C1QTNF3: variants seen among roughly 807,000 people sequenced by gnomAD.
C1QTNF3 encodes the protein C1q and TNF related 3.
Under a neutral mutation model 32.6 loss-of-function variants are expected in C1QTNF3, and 26 were observed. The observed-to-expected ratio is 0.80, with a 90% CI of 0.58 to 1.11. The LOEUF (loss-of-function observed/expected upper bound fraction) is 1.11, where lower values mean the gene tolerates loss of function less well. C1QTNF3 is among the 50% of genes least tolerant of loss of function. The pLI is 0.00. For missense variants in C1QTNF3, 362 were observed against 398.2 expected (o/e 0.91, Z 0.77); for synonymous variants, 155 against 146.0 (o/e 1.06, Z -0.44).
the C1QTNF3 span, among the ~76,000 whole-genome samples, chr5:34,215,634 T>C: frequency 6.6e-6 from 1 of 152,130 alleles, no homozygotes; most frequent in Non-Finnish European, 1.5e-5. Context: ...TGACTTTACT[T>C]TTTGTGTTGT....
chr5:34,209,413 G>C, the C1QTNF3 span, among the ~76,000 whole-genome samples: 2 of 150,304 alleles, frequency 1.3e-5, no homozygotes, highest in African/African-American at 4.9e-5. Context: ...CCCCTGAACT[G>C]AAAATAAAAG....
chr5:34,099,457 A>C, the C1QTNF3 span, among the ~76,000 whole-genome samples: 4 of 152,150 alleles, frequency 2.6e-5, no homozygotes, highest in Admixed American at 6.6e-5. Context: ...CATATGAAAA[A>C]CAGTGTGAAA....
the C1QTNF3 span, among the ~76,000 whole-genome samples, chr5:34,160,174 C>T: frequency 6.6e-6 from 1 of 152,112 alleles, no homozygotes; most frequent in Non-Finnish European, 1.5e-5. Context: ...AGGACCAGGG[C>T]AGTGTAGTCC....
At chr5:34,173,819 A>C in the C1QTNF3 span, among the ~76,000 whole-genome samples, 1 of 149,806 alleles carries the variant, frequency 6.7e-6, no homozygotes, top group Admixed American at 6.7e-5. Flanking sequence ...ACTGAAGTTA[A>C]AATGTTCTCC....
the C1QTNF3 span, among the ~76,000 whole-genome samples, chr5:34,160,232 T>C: frequency 6.6e-6 from 1 of 152,134 alleles, no homozygotes; most frequent in Non-Finnish European, 1.5e-5. Context: ...AGTTAGTAGG[T>C]AGGCGAAGGA....
chr5:34,208,277 T>G, the C1QTNF3 span, among the ~76,000 whole-genome samples: 462 of 152,400 alleles, frequency 3.0e-3, 2 homozygotes, highest in African/African-American at 0.011. Context: ...GCCCCTGTTA[T>G]AACAATCTTC....
chr5:34,047,614 A>G (rs1038012840), upstream of C1QTNF3, among the ~76,000 whole-genome samples: 32 of 152,248 alleles, frequency 2.1e-4, no homozygotes, highest in African/African-American at 7.5e-4. Flanking sequence ...GCCTCTTCCC[A>G]GTGAAAAATA....
chr5:34,137,333 T>C, the C1QTNF3 span, among the ~76,000 whole-genome samples: 6 of 152,232 alleles, frequency 3.9e-5, no homozygotes, highest in Non-Finnish European at 7.3e-5. Context: ...TCTTCATTTC[T>C]ACGTCCTGAT....
chr5:34,126,161 A>AT, the C1QTNF3 span, among the ~76,000 whole-genome samples: 1 of 152,230 alleles, frequency 6.6e-6, no homozygotes, highest in Non-Finnish European at 1.5e-5. Context: ...TTAGAAATGG[A>AT]TTGGATATAC....
chr5:34,202,801 TG>T, the C1QTNF3 span, among the ~76,000 whole-genome samples: 2 of 152,142 alleles, frequency 1.3e-5, no homozygotes, highest in Non-Finnish European at 2.9e-5. Flanking sequence ...TACAGTTTTT[TG>T]TTTTTTTTTT....
the C1QTNF3 span, among the ~76,000 whole-genome samples, chr5:34,077,870 T>C: frequency 6.6e-6 from 1 of 151,518 alleles, no homozygotes; most frequent in East Asian, 1.9e-4. Flanking sequence ...GTTAACCTGG[T>C]TGCAACTATT....
At chr5:34,037,015 T>C (rs894775443) in intron 1 of C1QTNF3, among the ~76,000 whole-genome samples, 7 of 152,174 alleles carry the variant, frequency 4.6e-5, no homozygotes, top group African/African-American at 1.7e-4. Context: ...AAGCACTTAA[T>C]GGGTACTAAA....
At chr5:34,168,122 T>C in the C1QTNF3 span, 1 of 152,216 alleles carries the variant, frequency 6.6e-6, no homozygotes, top group South Asian at 2.1e-4. Flanking sequence ...ATTCACATAT[T>C]GAAATTCTGT....
the C1QTNF3 span, among the ~76,000 whole-genome samples, chr5:34,144,193 T>C: frequency 6.6e-6 from 1 of 152,098 alleles, no homozygotes; most frequent in African/African-American, 2.4e-5. Context: ...TGATAAAGGA[T>C]ACAATCCAAC....
At chr5:34,052,353 A>G in the C1QTNF3 span, among the ~76,000 whole-genome samples, 2 of 152,196 alleles carry the variant, frequency 1.3e-5, no homozygotes, top group African/African-American at 4.8e-5. Context: ...GTATTCATTA[A>G]TGCTGTTCTC....
the C1QTNF3 span, among the ~76,000 whole-genome samples, chr5:34,243,081 G>T: frequency 6.6e-6 from 1 of 151,476 alleles, no homozygotes. Flanking sequence ...CACCACACAC[G>T]TTTATCTATG....
rs1308792885 is a variant in C1QTNF3, at chr5:34,043,148, T to A, written c.-23A>T. ...CATGATTCTCAACAGAGCCTCAGAG[T>A]CTCCCTGAGAAGACAGCAGAGCTCC... is the stretch of plus-strand genomic sequence containing the variant. On this transcript the variant is annotated 5_prime_UTR_variant, in exon 1 of 6. Transcript: ENST00000382065. The A allele has an allele frequency of 1.9e-6, 3 of 1,597,676 alleles. No individual in the cohort carries two copies. The highest frequency in any genetic ancestry group is 2.6e-6 in the Non-Finnish European group (3 of 1,173,440).
the C1QTNF3 span, among the ~76,000 whole-genome samples, chr5:34,195,767 G>A: frequency 6.6e-6 from 1 of 152,162 alleles, no homozygotes; most frequent in East Asian, 1.9e-4. Context: ...GTGAACCCAG[G>A]AGGCGGAGCT....
intron 2 of C1QTNF3, 63 bp downstream of exon 2, chr5:34,035,583 GC>G: frequency 8.5e-7 from 1 of 1,175,870 alleles, no homozygotes; most frequent in Admixed American, 1.8e-5. Flanking sequence ...ATTAAGGTTT[GC>G]CCTTTGCTCC....
Sources: gnomAD v4.1 joint callset for allele counts (sites outside exome capture counted in the v4.1 genomes callset) on GRCh38, gnomAD v4.1.1 for gene constraint, MANE v1.5 for transcripts, NCBI Gene and HGNC (gene_info 2026-07-23, HGNC 2026-07-21) for gene names.